The following IMMP2L variants were observed in gnomAD, a reference collection of about 807,000 sequenced individuals.
IMMP2L encodes inner mitochondrial membrane peptidase subunit 2.
IMMP2L carries 18 observed loss-of-function variants against 19.3 expected under a neutral mutation model. The observed-to-expected ratio is 0.93, with a 90% CI of 0.64 to 1.38. The LOEUF (loss-of-function observed/expected upper bound fraction) is 1.38. Among genes scored for constraint, IMMP2L ranks in the 40% most tolerant of loss-of-function variants. The pLI is 0.00. For missense variants in IMMP2L, 233 were observed against 218.2 expected, an observed-to-expected ratio of 1.07 and a Z score of -0.43; for synonymous variants, 76 against 73.0, an observed-to-expected ratio of 1.04 and a Z score of -0.21.
At chr7:110,837,906 G>A (rs552168532) in intron 5 of IMMP2L, among the ~76,000 whole-genome samples, 1 of 152,188 alleles carries the variant, frequency 6.6e-6, no homozygotes, top group South Asian at 2.1e-4. Context: ...CCTGTAAATT[G>A]CAATTTATAT....
chr7:110,924,635 A>T lies in IMMP2L; in HGVS notation c.306-37940T>A, dbSNP rs1814655094. 3.3e-5 allele frequency among the ~76,000 whole-genome samples: 5 copies of T among 152,134 alleles called. No homozygotes were observed. In the South Asian group the frequency reaches 1.0e-3, roughly 32 times the overall value. On this transcript the variant is annotated intron_variant, in intron 4 of 5. Transcript: ENST00000405709. The surrounding 1 kb of genome is among the most constrained non-coding windows in gnomAD (Gnocchi z 4.2). ...AAATAAGTAGATAATTGGATGTCTA[A>T]TTTTTTTCTTCAAATAGCTTCTTTT...
chr7:110,788,443 T>C (rs989120475), intron 5 of IMMP2L, among the ~76,000 whole-genome samples: 1 of 151,728 alleles, frequency 6.6e-6, no homozygotes, highest in Non-Finnish European at 1.5e-5. Flanking sequence ...TATCTCAGTC[T>C]TTTTGGATGA....
At chr7:110,685,304 T>G (rs1793035191) in intron 5 of IMMP2L, among the ~76,000 whole-genome samples, 1 of 152,124 alleles carries the variant, frequency 6.6e-6, no homozygotes, top group Non-Finnish European at 1.5e-5. Flanking sequence ...CTTCTTTCAT[T>G]CTTCCTTTTC....
chr7:111,168,162 T>C (rs1188308795), intron 3 of IMMP2L, among the ~76,000 whole-genome samples: 1 of 152,000 alleles, frequency 6.6e-6, no homozygotes, highest in South Asian at 2.1e-4. Flanking sequence ...TCTGTAAAAA[T>C]GGACTTAATT....
chr7:111,475,223 G>A (rs1450366529), intron 3 of IMMP2L, among the ~76,000 whole-genome samples: 1 of 151,988 alleles, frequency 6.6e-6, no homozygotes, highest in African/African-American at 2.4e-5. Context: ...GGCCCTTGAG[G>A]TTTCTCCTTA....
intron 5 of IMMP2L, among the ~76,000 whole-genome samples, chr7:110,771,115 A>T (rs6980230): frequency 0.65 from 99,547 of 151,994 alleles, 34,067 homozygotes; most frequent in African/African-American, 0.86. Context: ...CTGACGGGAA[A>T]TATCCAGAGT....
At position 110,754,185 on chromosome 7, in the gene IMMP2L, C is replaced by T. The variant is rs994627578; in HGVS notation, c.409-90464G>A. On this transcript the variant is annotated intron_variant, in intron 5 of 5. Coordinates refer to ENST00000405709, the MANE Select transcript of IMMP2L (RefSeq NM_032549.4). ...GATAATCAACATTCAAGTCATAGTGCCACAGGAGGAAAAAGTAAGGTAATG... is the reference window on the plus strand; with the variant it reads ...GATAATCAACATTCAAGTCATAGTGTCACAGGAGGAAAAAGTAAGGTAATG... 5.9e-5 allele frequency among the ~76,000 whole-genome samples: 9 copies of T among 152,056 alleles called. No homozygotes were observed. The South Asian group carries it at 8.3e-4, about 14-fold the overall frequency.
At chr7:110,939,407 C>T (rs1438482759) in intron 4 of IMMP2L, among the ~76,000 whole-genome samples, 1 of 109,428 alleles carries the variant, frequency 9.1e-6, no homozygotes, top group Non-Finnish European at 2.0e-5. Flanking sequence ...AAAAAAAAAT[C>T]AGTTGTTTCT....
chr7:111,311,785 A>G (rs1330939069), intron 3 of IMMP2L, among the ~76,000 whole-genome samples: 1 of 152,116 alleles, frequency 6.6e-6, no homozygotes, highest in African/African-American at 2.4e-5. Context: ...ATCAAAAATT[A>G]AAAGTTTGGT....
chr7:111,490,899 T>C (rs933660231), intron 2 of IMMP2L, among the ~76,000 whole-genome samples: 1 of 152,150 alleles, frequency 6.6e-6, no homozygotes, highest in Non-Finnish European at 1.5e-5. Flanking sequence ...GACCCTTGAA[T>C]AACACAGGTT....
intron 3 of IMMP2L, among the ~76,000 whole-genome samples, chr7:111,103,351 ACTG>A (rs1208131084): frequency 1.3e-5 from 2 of 151,646 alleles, no homozygotes; most frequent in Non-Finnish European, 3.0e-5. Flanking sequence ...ATATTTGCCA[ACTG>A]CTAATAGTTT....
At position 110,994,194 on chromosome 7, in the gene IMMP2L, G is replaced by T. The variant is rs1822797222; in HGVS notation, c.240-30629C>A. Among the ~76,000 whole-genome samples, 4 of 150,818 alleles carry T rather than the reference G, an allele frequency of 2.7e-5. No individual in the cohort carries two copies. In the South Asian group the frequency reaches 8.3e-4, roughly 31 times the overall value. On this transcript the variant is annotated intron_variant, in intron 3 of 5. Coordinates refer to ENST00000405709, the MANE Select transcript of IMMP2L (RefSeq NM_032549.4). ...CTTGGCTTTCTATTGACAAACCCCG[G>T]TTGATCTCTGCTTAGGCCCAAACCT...
intron 3 of IMMP2L, among the ~76,000 whole-genome samples, chr7:111,270,049 A>ATGTGTGCCTGTG (rs1562989476): frequency 1.5e-5 from 2 of 132,882 alleles, no homozygotes; most frequent in African/African-American, 6.0e-5. Flanking sequence ...GTGTGCATGC[A>ATGTGTGCCTGTG]TGTGTGTCTG....
intron 3 of IMMP2L, among the ~76,000 whole-genome samples, chr7:110,997,263 T>C (rs768461210): frequency 1.6e-4 from 24 of 152,182 alleles, no homozygotes; most frequent in Non-Finnish European, 2.6e-4. Flanking sequence ...TTTCATGTTA[T>C]GGATGTATCA....
intron 5 of IMMP2L, among the ~76,000 whole-genome samples, chr7:110,785,593 A>G (rs1800018693): frequency 6.6e-6 from 1 of 151,946 alleles, no homozygotes; most frequent in Non-Finnish European, 1.5e-5. Context: ...GGAAGAGGTG[A>G]AGCAAAGATA....
intron 3 of IMMP2L, among the ~76,000 whole-genome samples, chr7:111,142,803 G>A (rs1033367123): frequency 6.6e-6 from 1 of 152,140 alleles, no homozygotes; most frequent in Non-Finnish European, 1.5e-5. Flanking sequence ...CTGAGGACAA[G>A]AAAAGGCAGT....
intron 5 of IMMP2L, among the ~76,000 whole-genome samples, chr7:110,858,824 A>G (rs926815495): frequency 1.3e-5 from 2 of 151,758 alleles, no homozygotes; most frequent in Non-Finnish European, 2.9e-5. Context: ...TCATTCTTCA[A>G]TTCCCACCTG....
chr7:110,933,334 A>G (rs1030732165), intron 4 of IMMP2L, among the ~76,000 whole-genome samples: 1 of 152,180 alleles, frequency 6.6e-6, no homozygotes, highest in Non-Finnish European at 1.5e-5. Context: ...CCAGGCAGAT[A>G]TAACTGGAGG....
intron 1 of IMMP2L, among the ~76,000 whole-genome samples, chr7:111,534,581 T>C (rs1484485988): frequency 6.6e-6 from 1 of 152,194 alleles, no homozygotes; most frequent in Admixed American, 6.5e-5. Context: ...TCTTCAGTAA[T>C]AGGTATTTAG....
Sources: allele counts gnomAD v4.1 joint callset (sites outside exome capture counted in the v4.1 genomes callset), GRCh38; gene constraint gnomAD v4.1.1; non-coding constraint Gnocchi (gnomAD v3.1); transcripts MANE v1.5; gene names NCBI Gene and HGNC (gene_info 2026-07-23, HGNC 2026-07-21).